FAM91A1: variants seen among roughly 807,000 people sequenced by gnomAD.
The protein encoded by FAM91A1 is family with sequence similarity 91 member A1.
Under a neutral mutation model 113.5 loss-of-function variants are expected in FAM91A1, and 41 were observed. The observed-to-expected ratio is 0.36, with a 90% CI of 0.28 to 0.47. The LOEUF is 0.47. Among genes scored for constraint, FAM91A1 ranks in the 20% least tolerant of loss-of-function variants. The pLI, the probability that FAM91A1 is intolerant of heterozygous loss-of-function variation, is 1.00. For synonymous variants in FAM91A1, 307 were observed against 347.9 expected, an observed-to-expected ratio of 0.88 and a Z score of 1.31; for missense variants, 696 against 1,001.2, an observed-to-expected ratio of 0.70 and a Z score of 4.11.
chr8:123,793,619 G>A (rs1357794435), intron 15 of FAM91A1, among the ~76,000 whole-genome samples: 1 of 152,114 alleles, frequency 6.6e-6, no homozygotes, highest in African/African-American at 2.4e-5. Flanking sequence ...TCTCCGCTAA[G>A]CAATTCTTTA....
intron 1 of FAM91A1, among the ~76,000 whole-genome samples, chr8:123,771,930 A>T (rs1256096060): frequency 6.6e-6 from 1 of 152,232 alleles, no homozygotes; most frequent in African/African-American, 2.4e-5. Context: ...AGACCTGGTC[A>T]GTATTTCTGC....
rs1349874569 is a variant in FAM91A1, at chr8:123,785,195, A to C, written c.849+76A>C. On this transcript the variant is annotated intron_variant, in intron 10 of 23. Coordinates refer to ENST00000334705, the MANE Select transcript of FAM91A1 (RefSeq NM_144963.4). ...TTACTAGTAGATTTTTATCTTGATA[A>C]GCTACTGAGAAACGAAGACATTGAG... is the stretch of plus-strand genomic sequence containing the variant. 13 of 1,209,402 alleles carry C rather than the reference A, an allele frequency of 1.1e-5. No homozygotes were observed. In the East Asian group the frequency reaches 3.3e-4, roughly 30 times the overall value. 74.9% of individuals were successfully genotyped at this position (1,209,402 alleles called of 1,614,324 possible).
intron 16 of FAM91A1, 21 bp from the exon 17 acceptor site, chr8:123,799,499 T>A (rs1815623178): frequency 6.2e-7 from 1 of 1,601,924 alleles, no homozygotes; most frequent in East Asian, 2.2e-5. Context: ...TAACTTTATC[T>A]TAACTGTTTT....
At position 123,788,090 on chromosome 8, in the gene FAM91A1, C is replaced by G. The variant is rs1815301532; in HGVS notation, c.1278+340C>G. 1.4e-5 allele frequency: 10 copies of G among 717,414 alleles called. No homozygotes were observed. In the South Asian group the frequency reaches 5.0e-4, roughly 36 times the overall value. 44.4% of individuals were successfully genotyped at this position (717,414 alleles called of 1,614,324 possible). A position where few individuals can be genotyped will look rare whatever the true frequency, so the allele number is the denominator to read the frequency against. ...TCAATTTTTTTTCTGGTATGACTCT[C>G]TAAGATCACCTCTTAAGCAGTTTGA... is the stretch of plus-strand genomic sequence containing the variant. On this transcript the variant is annotated intron_variant, in intron 14 of 23. Transcript: ENST00000334705.
At chr8:123,811,862 TTTTG>T (rs1478687888) in intron 23 of FAM91A1, among the ~76,000 whole-genome samples, 1 of 152,086 alleles carries the variant, frequency 6.6e-6, no homozygotes, top group Non-Finnish European at 1.5e-5. Flanking sequence ...GTAAGGTTTT[TTTTG>T]TTTGTTTGTT....
At chr8:123,795,668 G>A (rs73337418) in intron 15 of FAM91A1, among the ~76,000 whole-genome samples, 39,032 of 152,042 alleles carry the variant, frequency 0.26, 6,131 homozygotes, top group African/African-American at 0.43. Flanking sequence ...AGAACGGAGT[G>A]ATACAGATAC....
Position 123,805,255 on chromosome 8 carries a change from G to A in FAM91A1, c.1810-12G>A. On this transcript the variant is annotated splice_polypyrimidine_tract_variant and intron_variant, in intron 18 of 23. Coordinates refer to ENST00000334705, the MANE Select transcript of FAM91A1 (RefSeq NM_144963.4). ...GTTTCTTGTATACCTTTTAACTTTT[G>A]TTTATGTTTAGGGGCATGGTCTGCA... is the stretch of plus-strand genomic sequence containing the variant. The A allele has an allele frequency of 6.2e-7, 1 of 1,600,476 alleles. No individual in the cohort carries two copies. Among genetic ancestry groups the A allele is most frequent in the Non-Finnish European group, 8.5e-7 (1 of 1,173,538 alleles).
At chr8:123,790,000 ATT>A (rs1320176508) in intron 15 of FAM91A1, among the ~76,000 whole-genome samples, 3 of 152,134 alleles carry the variant, frequency 2.0e-5, no homozygotes, top group African/African-American at 7.2e-5. Context: ...GTTGGTGTTA[ATT>A]TATTTAAGTA....
chr8:123,807,480 CAAAAAAA>C (rs546080328), intron 20 of FAM91A1, among the ~76,000 whole-genome samples: 43 of 58,944 alleles, frequency 7.3e-4, no homozygotes, highest in African/African-American at 1.1e-3. Flanking sequence ...CCTGTCTCTA[CAAAAAAA>C]AAAAAAAAAA....
In FAM91A1 at chr8:123,799,671, TG is replaced by T; in HGVS notation, c.1695+20del. 1 of 1,613,094 alleles carries T rather than the reference TG, an allele frequency of 6.2e-7. No homozygotes were observed. Among genetic ancestry groups the T allele is most frequent in the Non-Finnish European group, 8.5e-7 (1 of 1,179,686 alleles). The stretch of plus-strand genomic sequence containing the variant: ...ATATTTCAGGTATGTGTGGGAGGTT[TG>T]GGTGGTTTTTTTATGTGTGTGTGAG... On this transcript the variant is annotated intron_variant, in intron 17 of 23. Transcript: ENST00000334705.
intron 15 of FAM91A1, among the ~76,000 whole-genome samples, chr8:123,796,117 A>G (rs913113644): frequency 4.3e-4 from 65 of 152,308 alleles, no homozygotes; most frequent in African/African-American, 1.4e-3. Flanking sequence ...AAGGCATTGA[A>G]GTGATCTACT....
intron 15 of FAM91A1, among the ~76,000 whole-genome samples, chr8:123,792,789 G>GGACCCACTTTTTCCCC (rs1270757781): frequency 1.3e-5 from 2 of 152,150 alleles, no homozygotes; most frequent in Non-Finnish European, 2.9e-5. Context: ...CTTAGTGCAA[G>GGACCCACTTTTTCCCC]GACCCACTTT....
At chr8:123,781,618 T>C (rs1423029393) in intron 8 of FAM91A1, among the ~76,000 whole-genome samples, 1 of 151,910 alleles carries the variant, frequency 6.6e-6, no homozygotes, top group Non-Finnish European at 1.5e-5. Context: ...GCTGGGATTA[T>C]AGGCACCCAC....
intron 15 of FAM91A1, among the ~76,000 whole-genome samples, chr8:123,792,512 G>A (rs1200696458): frequency 6.6e-6 from 1 of 152,042 alleles, no homozygotes; most frequent in African/African-American, 2.4e-5. Flanking sequence ...GTTTAACTGT[G>A]ATTAGTATAA....
At chr8:123,775,053 C>G (rs1385777170) in intron 2 of FAM91A1, 94 bp from the exon 3 acceptor site, 2 of 1,195,154 alleles carry the variant, frequency 1.7e-6, no homozygotes, top group Admixed American at 3.1e-5. Flanking sequence ...ACATACTTTT[C>G]TTTTAAATTA....
Position 123,798,070 on chromosome 8 carries a change from T to C in FAM91A1, c.1412-20T>C, listed in dbSNP as rs749166993. 4 of 1,604,798 alleles carry C rather than the reference T, an allele frequency of 2.5e-6. No homozygotes were observed. Among genetic ancestry groups the C allele is most frequent in the East Asian group, 4.5e-5 (2 of 44,528 alleles). On this transcript the variant is annotated intron_variant, in intron 15 of 23. Transcript: ENST00000334705. Reference sequence around the variant, plus strand: ...CACTCTCAGTCTTTTATTCTGTGTGTGTGCTTGATCATAACTCAGGTTTTC... The same window carrying C: ...CACTCTCAGTCTTTTATTCTGTGTGCGTGCTTGATCATAACTCAGGTTTTC...
chr8:123,794,097 A>G (rs1396529287), intron 15 of FAM91A1, among the ~76,000 whole-genome samples: 1 of 152,230 alleles, frequency 6.6e-6, no homozygotes, highest in Non-Finnish European at 1.5e-5. Context: ...AGAGAAGCAC[A>G]TAGCTTCTCC....
At position 123,809,497 on chromosome 8, in the gene FAM91A1, A is replaced by G. The variant is rs140773598; in HGVS notation, c.2261+481A>G. The stretch of plus-strand genomic sequence containing the variant: ...GGATATGTATTACTCCTTAAAGATG[A>G]CATGTAGGTTTTATCTTATATACCA... On this transcript the variant is annotated intron_variant, in intron 22 of 23. Transcript: ENST00000334705. 2.5e-3 allele frequency among the ~76,000 whole-genome samples: 385 copies of G among 152,300 alleles called. 3 individuals carry two copies. Among genetic ancestry groups the G allele is most frequent in the African/African-American group, 8.5e-3 (352 of 41,560 alleles).
chr8:123,776,044 C>T (rs1814976794), intron 3 of FAM91A1, among the ~76,000 whole-genome samples: 1 of 151,918 alleles, frequency 6.6e-6, no homozygotes, highest in Non-Finnish European at 1.5e-5. Flanking sequence ...TGACATAGAC[C>T]CAACATTATA....
Sources: gnomAD v4.1 joint callset for allele counts (sites outside exome capture counted in the v4.1 genomes callset) on GRCh38, gnomAD v4.1.1 for gene constraint, MANE v1.5 for transcripts, NCBI Gene and HGNC (gene_info 2026-07-23, HGNC 2026-07-21) for gene names.